The following EPN1 variants were observed in gnomAD, a reference collection of about 807,000 sequenced individuals.
EPN1 encodes epsin 1, also known as epsin-1.
A neutral mutation model predicts 56.9 loss-of-function variants in EPN1; 25 were observed. The ratio of observed to expected loss-of-function variants is 0.44; its 90% CI spans 0.32 to 0.61. The LOEUF is 0.61. Among genes scored for constraint, EPN1 ranks in the 20% least tolerant of loss-of-function variants. EPN1 has a pLI of 0.05. For missense variants in EPN1, 785 were observed against 823.7 expected, an observed-to-expected ratio of 0.95 and a Z score of 0.58; for synonymous variants, 411 against 361.8, an observed-to-expected ratio of 1.14 and a Z score of -1.54.
At chr19:55,688,280 C>T (rs73933308) in intron 3 of EPN1, among the ~76,000 whole-genome samples, 3,205 of 152,130 alleles carry the variant, frequency 0.021, 124 homozygotes, top group African/African-American at 0.074. Context: ...CCGGGGATAT[C>T]TCAGCAGCCT....
intron 2 of EPN1, among the ~76,000 whole-genome samples, chr19:55,683,688 C>T (rs999938828): frequency 3.3e-5 from 5 of 152,232 alleles, no homozygotes; most frequent in East Asian, 1.9e-4. Flanking sequence ...GTGGTAGTCC[C>T]GCTGTGTGAG....
intron 8 of EPN1, 51 bp downstream of exon 8, chr19:55,692,847 A>C: frequency 6.3e-7 from 1 of 1,584,292 alleles, no homozygotes; most frequent in South Asian, 1.1e-5. Context: ...GAGTGGGAGA[A>C]GTTAGTGTTG....
chr19:55,706,283 CTTTTTTTT>C lies in EPN1; in HGVS notation c.*10936_*10943del, dbSNP rs933101353. 1 of 118,340 alleles carries C rather than the reference CTTTTTTTT, an allele frequency of 8.5e-6. No individual in the cohort carries two copies. The highest frequency in any genetic ancestry group is 2.2e-4 in the East Asian group (1 of 4,496). The allele number at this position is 118,340 out of a possible 1,614,324, so 7.3% of individuals were successfully genotyped here. On this transcript the variant is annotated 3_prime_UTR_variant, in exon 11 of 11. Transcript: ENST00000270460. ...CTTCCTTTCTTCTCTTTTTCTTCTTCTTTTTTTTTTTTTTTTAAAAGACCGTGTTTCGC... is the reference window on the plus strand; with the variant it reads ...CTTCCTTTCTTCTCTTTTTCTTCTTCTTTTTTTTAAAAGACCGTGTTTCGC...
Position 55,691,735 on chromosome 19 carries a change from T to A in EPN1, c.763-19T>A. The A allele has an allele frequency of 6.2e-7, 1 of 1,604,956 alleles. No individual in the cohort carries two copies. The highest frequency in any genetic ancestry group is 1.1e-5 in the South Asian group (1 of 90,406). The stretch of plus-strand genomic sequence containing the variant: ...TCCCACCACTTCTTCATGCTCCTTC[T>A]CTTCTCTCTCCCCCACAGTCGTCCC... On this transcript the variant is annotated intron_variant, in intron 6 of 10. Coordinates refer to ENST00000270460, the MANE Select transcript of EPN1 (RefSeq NM_001130072.2). This position sits in a 1 kb window ranked among gnomAD's most constrained non-coding sequence, Gnocchi z 5.6.
At chr19:55,676,287 T>G (rs1985419087) in intron 1 of EPN1, among the ~76,000 whole-genome samples, 1 of 152,082 alleles carries the variant, frequency 6.6e-6, no homozygotes, top group African/African-American at 2.4e-5. Context: ...CGGTCGGTTA[T>G]TGGAGTACTC....
At position 55,704,415 on chromosome 19, in the gene EPN1, G is replaced by A. The variant is rs565314565; in HGVS notation, c.*9059G>A. On this transcript the variant is annotated 3_prime_UTR_variant, in exon 11 of 11. Coordinates refer to ENST00000270460, the MANE Select transcript of EPN1 (RefSeq NM_001130072.2). ...ATTAGGGTGGGTCCTAATCCAATCT[G>A]ACTGTTATATAGTGGGGTTGCACCT... 6.6e-6 allele frequency: 1 copy of A among 152,310 alleles called. No homozygotes were observed. Among genetic ancestry groups the A allele is most frequent in the East Asian group, 1.9e-4 (1 of 5,174 alleles). 9.4% of individuals were successfully genotyped at this position (152,310 alleles called of 1,614,324 possible). A position where few individuals can be genotyped will look rare whatever the true frequency, so the allele number is the denominator to read the frequency against.
rs934117726 is a variant in EPN1 at position 55,702,604 on chromosome 19, T to C, written c.*7248T>C. Reference sequence around the variant, plus strand: ...GTTAGGAGAAGTGATTTCTTTGAACTGCGTGGTGTGGTGAGAAAGGGAGCA... The same window carrying C: ...GTTAGGAGAAGTGATTTCTTTGAACCGCGTGGTGTGGTGAGAAAGGGAGCA... On this transcript the variant is annotated 3_prime_UTR_variant, in exon 11 of 11. Coordinates refer to ENST00000270460, the MANE Select transcript of EPN1 (RefSeq NM_001130072.2). 6.6e-6 allele frequency: 1 copy of C among 152,222 alleles called. No individual in the cohort carries two copies. The highest frequency in any genetic ancestry group is 1.5e-5 in the Non-Finnish European group (1 of 68,046). The allele number at this position is 152,222 out of a possible 1,614,324, so 9.4% of individuals were successfully genotyped here. A position where few individuals can be genotyped will look rare whatever the true frequency, so the allele number is the denominator to read the frequency against.
rs1334367094 is a variant in EPN1 at position 55,689,287 on chromosome 19, T to A, written c.604-10T>A. 3 of 1,541,894 alleles carry A rather than the reference T, an allele frequency of 1.9e-6. No individual in the cohort carries two copies. The highest frequency in any genetic ancestry group is 2.6e-6 in the Non-Finnish European group (3 of 1,141,262). On this transcript the variant is annotated splice_polypyrimidine_tract_variant and intron_variant, in intron 4 of 10. Transcript: ENST00000270460. The surrounding 1 kb of genome is among the most constrained non-coding windows in gnomAD (Gnocchi z 5.7). ...CTCCCGTCATGCCCCTCACACTCTC[T>A]CTCCCCCAGCCCCCGTCCTGCGGCC...
intron 2 of EPN1, among the ~76,000 whole-genome samples, chr19:55,682,859 C>T (rs1600098295): frequency 6.6e-6 from 1 of 152,110 alleles, no homozygotes; most frequent in South Asian, 2.1e-4. Context: ...CAGGTTCAAG[C>T]AATTCTCCTG....
In EPN1 at chr19:55,697,058, GC is replaced by G; in HGVS notation, c.*1704del. ...TGCAGAGGAGCATCCCCCTTGCTTA[GC>G]CAGGGAGGGGAAGCCCTCTTCTCAC... On this transcript the variant is annotated 3_prime_UTR_variant, in exon 11 of 11. Coordinates refer to ENST00000270460, the MANE Select transcript of EPN1 (RefSeq NM_001130072.2). 1 of 152,308 alleles carries G rather than the reference GC, an allele frequency of 6.6e-6. No homozygotes were observed. Among genetic ancestry groups the G allele is most frequent in the South Asian group, 2.1e-4 (1 of 4,832 alleles). 9.4% of individuals were successfully genotyped at this position (152,308 alleles called of 1,614,324 possible).
Position 55,688,938 on chromosome 19 carries a change from G to C in EPN1, c.547G>C (p.Glu183Gln). ...GCAGGCGTGGCCGCAGAGCAGCGGG[G>C]AGGAGGAGCTGCAGCTCCAGCTGGC... ...AEQAWPQSSGEEELQLQLALA... is the reference protein window; with the variant it reads ...AEQAWPQSSGQEELQLQLALA... The change falls in exon 4 of 11, where the codon GAG becomes CAG. Residue 183 changes from glutamate (E) to glutamine (Q), a missense_variant. Physicochemically the swap from Glu to Gln is conservative, Grantham distance 29. Transcript: ENST00000270460. 6.3e-7 allele frequency: 1 copy of C among 1,597,352 alleles called. No homozygotes were observed. The highest frequency in any genetic ancestry group is 8.5e-7 in the Non-Finnish European group (1 of 1,173,968).
rs753781647 is a variant in EPN1, at chr19:55,697,178, C to A, written c.*1822C>A. Reference sequence around the variant, plus strand: ...GGTGCTGTCCCCAGGCAGCAGCAAGCGTCCCTTACGCTTGGGCTGTCCGAG... The same window carrying A: ...GGTGCTGTCCCCAGGCAGCAGCAAGAGTCCCTTACGCTTGGGCTGTCCGAG... On this transcript the variant is annotated 3_prime_UTR_variant, in exon 11 of 11. Transcript: ENST00000270460. The A allele has an allele frequency of 6.6e-6, 1 of 152,246 alleles. No individual in the cohort carries two copies. The highest frequency in any genetic ancestry group is 6.5e-5 in the Admixed American group (1 of 15,288). The allele number at this position is 152,246 out of a possible 1,614,324, so 9.4% of individuals were successfully genotyped here. A position where few individuals can be genotyped will look rare whatever the true frequency, so the allele number is the denominator to read the frequency against.
chr19:55,676,839 G>A, intron 1 of EPN1: 1 of 207,108 alleles, frequency 4.8e-6, no homozygotes, highest in East Asian at 1.1e-4. Flanking sequence ...TCTTGTATCT[G>A]CTGCTGCCTG....
At chr19:55,683,059 T>G (rs560030237) in intron 2 of EPN1, among the ~76,000 whole-genome samples, 41 of 150,772 alleles carry the variant, frequency 2.7e-4, no homozygotes, top group Non-Finnish European at 5.2e-4. Context: ...CCAGCCTGTT[T>G]TTTGTTTTTT....
Position 55,692,032 on chromosome 19 carries a change from G to T in EPN1, c.1041G>T (p.Thr347=), listed in dbSNP as rs1261987122. 3 of 1,460,570 alleles carry T rather than the reference G, an allele frequency of 2.1e-6. No homozygotes were observed. The highest frequency in any genetic ancestry group is 2.7e-6 in the Non-Finnish European group (3 of 1,113,204). The allele number at this position is 1,460,570 out of a possible 1,614,324, so 90.5% of individuals were successfully genotyped here. A position where few individuals can be genotyped will look rare whatever the true frequency, so the allele number is the denominator to read the frequency against. The change falls in exon 7 of 11, where the codon ACG becomes ACT. Residue 347 remains threonine, a synonymous_variant. Coordinates refer to ENST00000270460, the MANE Select transcript of EPN1 (RefSeq NM_001130072.2). ...TPAPAAGEGP[T]PDPWGSSDGG... is the part of the protein sequence containing the mutation. The stretch of plus-strand genomic sequence containing the variant: ...CCCCTGCAGCTGGGGAGGGGCCCAC[G>T]CCTGATCCATGGGGAAGTTCCGATG...
intron 9 of EPN1, 61 bp downstream of exon 9, chr19:55,693,098 C>A: frequency 6.6e-7 from 1 of 1,518,160 alleles, no homozygotes; most frequent in Non-Finnish European, 9.1e-7. Context: ...TCTTCGGGAG[C>A]CCCGTCCCTT....
chr19:55,691,847 G>A lies in EPN1; in HGVS notation c.856G>A (p.Val286Ile), dbSNP rs770482611. The change falls in exon 7 of 11, where the codon GTC becomes ATC. Residue 286 changes from valine (V) to isoleucine (I), a missense_variant. Val to Ile is a conservative substitution (Grantham distance 29, BLOSUM62 3). Coordinates refer to ENST00000270460, the MANE Select transcript of EPN1 (RefSeq NM_001130072.2). This position sits in a 1 kb window ranked among gnomAD's most constrained non-coding sequence, Gnocchi z 5.6. Reference sequence around the variant, plus strand: ...GGGCCCAGCACCCATGGCTGCTGCCGTCCCCACGGCTGCCCCCACCTCGGA... The same window carrying A: ...GGGCCCAGCACCCATGGCTGCTGCCATCCCCACGGCTGCCCCCACCTCGGA... Reference protein sequence around the residue: ...WGGPAPMAAAVPTAAPTSDPW... With the variant: ...WGGPAPMAAAIPTAAPTSDPW... 1.9e-5 allele frequency: 30 copies of A among 1,606,548 alleles called. No individual in the cohort carries two copies. The highest frequency in any genetic ancestry group is 9.4e-5 in the African/African-American group (7 of 74,746).
Position 55,706,125 on chromosome 19 carries a change from C to T in EPN1, c.*10769C>T. The T allele has an allele frequency of 4.3e-6, 1 of 233,886 alleles. No individual in the cohort carries two copies. The highest frequency in any genetic ancestry group is 8.7e-6 in the Non-Finnish European group (1 of 115,346). The allele number at this position is 233,886 out of a possible 1,614,324, so 14.5% of individuals were successfully genotyped here. On this transcript the variant is annotated 3_prime_UTR_variant, in exon 11 of 11. Coordinates refer to ENST00000270460, the MANE Select transcript of EPN1 (RefSeq NM_001130072.2). ...TCTCTGCATGTGCAGGTTTATGAGACTGGAGAACTTTGATTTCTTCTTCCT... is the reference window on the plus strand; with the variant it reads ...TCTCTGCATGTGCAGGTTTATGAGATTGGAGAACTTTGATTTCTTCTTCCT...
In EPN1 at chr19:55,695,398, T is replaced by C; in HGVS notation, c.*42T>C. ...GCCTGGCTCCATCCGGCTGCCCCAT[T>C]CCGGCTCCCTGGGAGATCAGTGTTG... On this transcript the variant is annotated 3_prime_UTR_variant, in exon 11 of 11. Coordinates refer to ENST00000270460, the MANE Select transcript of EPN1 (RefSeq NM_001130072.2). This position sits in a 1 kb window ranked among gnomAD's most constrained non-coding sequence, Gnocchi z 4.4. 3 of 1,102,504 alleles carry C rather than the reference T, an allele frequency of 2.7e-6. No individual in the cohort carries two copies. The highest frequency in any genetic ancestry group is 1.4e-5 in the South Asian group (1 of 69,230). 68.3% of individuals were successfully genotyped at this position (1,102,504 alleles called of 1,614,324 possible). A position where few individuals can be genotyped will look rare whatever the true frequency, so the allele number is the denominator to read the frequency against.
Sources: gnomAD v4.1 joint callset for allele counts (sites outside exome capture counted in the v4.1 genomes callset) on GRCh38, gnomAD v4.1.1 for gene constraint, Gnocchi (gnomAD v3.1) non-coding constraint, MANE v1.5 for transcripts, NCBI Gene and HGNC (gene_info 2026-07-23, HGNC 2026-07-21) for gene names.